Variants in FBXO28 observed in about 807,000 individuals in gnomAD.
FBXO28 encodes the protein F-box protein 28, also known as F-box only protein 28.
A neutral mutation model predicts 38.1 loss-of-function variants in FBXO28; 8 were observed. The ratio of observed to expected loss-of-function variants is 0.21; its 90% CI spans 0.12 to 0.38. FBXO28 has a LOEUF of 0.38. FBXO28 is among the 10% of genes least tolerant of loss of function. FBXO28 has a pLI of 1.00. For missense variants in FBXO28, 345 were observed against 460.6 expected (o/e 0.75, Z 2.30); for synonymous variants, 168 against 173.8 (o/e 0.97, Z 0.26).
intron 1 of FBXO28, among the ~76,000 whole-genome samples, chr1:224,127,005 A>G (rs1046398866): frequency 4.0e-5 from 6 of 151,878 alleles, no homozygotes; most frequent in Admixed American, 1.3e-4. Flanking sequence ...TCTTTCCTTC[A>G]ATAACATAAA....
At chr1:224,122,613 C>A (rs185276585) in intron 1 of FBXO28, among the ~76,000 whole-genome samples, 22 of 152,094 alleles carry the variant, frequency 1.4e-4, no homozygotes, top group Admixed American at 1.1e-3. Flanking sequence ...TACAGCCCCC[C>A]CCAAGCCCCG....
intron 4 of FBXO28, among the ~76,000 whole-genome samples, chr1:224,155,246 A>G (rs1046061776): frequency 1.3e-5 from 2 of 151,868 alleles, no homozygotes; most frequent in Non-Finnish European, 2.9e-5. Flanking sequence ...GCTCACTGCA[A>G]CGTCCGCCTC....
At chr1:224,156,087 G>C (rs928996706) in intron 4 of FBXO28, among the ~76,000 whole-genome samples, 2 of 152,162 alleles carry the variant, frequency 1.3e-5, no homozygotes, top group Non-Finnish European at 2.9e-5. Context: ...AAAGAAGAAT[G>C]CATCCATAAA....
chr1:224,148,707 T>C (rs936111480), intron 3 of FBXO28, among the ~76,000 whole-genome samples: 1 of 152,028 alleles, frequency 6.6e-6, no homozygotes, highest in African/African-American at 2.4e-5. Flanking sequence ...GAATAAATGC[T>C]TGGTACATGA....
chr1:224,136,100 A>ATTTTTTTT (rs1558191323), intron 3 of FBXO28, among the ~76,000 whole-genome samples: 12 of 8,636 alleles, frequency 1.4e-3, no homozygotes, highest in African/African-American at 2.8e-3. Flanking sequence ...TGTTGACTTC[A>ATTTTTTTT]GTTTTTTTTT....
In FBXO28 at chr1:224,161,788, C is replaced by T. The variant is rs1358693236; in HGVS notation, c.*4042C>T. ...CTGTTGTGTCTGAAGAGAACCATGACATTTAGAAGTATATTGGTAATCTAT... is the reference window on the plus strand; with the variant it reads ...CTGTTGTGTCTGAAGAGAACCATGATATTTAGAAGTATATTGGTAATCTAT... On this transcript the variant is annotated 3_prime_UTR_variant, in exon 5 of 5. Transcript: ENST00000366862. 1 of 152,132 alleles carries T rather than the reference C, an allele frequency of 6.6e-6. No homozygotes were observed. Among genetic ancestry groups the T allele is most frequent in the Non-Finnish European group, 1.5e-5 (1 of 68,032 alleles). The allele number at this position is 152,132 out of a possible 1,614,324, so 9.4% of individuals were successfully genotyped here.
chr1:224,128,245 A>ATTATTT (rs1553288948), intron 1 of FBXO28, among the ~76,000 whole-genome samples: 1 of 147,904 alleles, frequency 6.8e-6, no homozygotes, highest in South Asian at 2.1e-4. Context: ...TATTATTATT[A>ATTATTT]TTTTTTTTTA....
At chr1:224,123,354 T>C (rs1404004702) in intron 1 of FBXO28, among the ~76,000 whole-genome samples, 2 of 148,416 alleles carry the variant, frequency 1.3e-5, no homozygotes, top group Admixed American at 6.9e-5. Context: ...GGTGGGAGGA[T>C]TGCCTGAGCC....
At chr1:224,128,717 T>C (rs1656963106) in intron 1 of FBXO28, among the ~76,000 whole-genome samples, 1 of 152,174 alleles carries the variant, frequency 6.6e-6, no homozygotes, top group East Asian at 1.9e-4. Flanking sequence ...CTGGGCATGG[T>C]GGCTCATGCC....
chr1:224,134,408 A>T (rs977187294), intron 3 of FBXO28, 196 bp downstream of exon 3: 1 of 478,410 alleles, frequency 2.1e-6, no homozygotes, highest in Non-Finnish European at 3.6e-6. Flanking sequence ...CTAATTATGA[A>T]ATAGTCGAAA....
At chr1:224,118,664 G>A (rs1422408844) in intron 1 of FBXO28, among the ~76,000 whole-genome samples, 1 of 151,812 alleles carries the variant, frequency 6.6e-6, no homozygotes, top group Non-Finnish European at 1.5e-5. Flanking sequence ...GTTATAGAGT[G>A]GGTTGGTTGG....
At chr1:224,157,207 T>C in intron 4 of FBXO28, 145 bp from the exon 5 acceptor site, 1 of 961,842 alleles carries the variant, frequency 1.0e-6, no homozygotes, top group Non-Finnish European at 1.5e-6. Context: ...ATTATGATGA[T>C]TAACCCAACT....
At chr1:224,148,236 C>T (rs1657556474) in intron 3 of FBXO28, among the ~76,000 whole-genome samples, 1 of 152,054 alleles carries the variant, frequency 6.6e-6, no homozygotes, top group African/African-American at 2.4e-5. Flanking sequence ...ATGGCAAAAC[C>T]ACAGTTACTT....
At chr1:224,152,925 CAAAAAAAAAAAA>C (rs57616453) in intron 3 of FBXO28, among the ~76,000 whole-genome samples, 1 of 64,890 alleles carries the variant, frequency 1.5e-5, no homozygotes, top group Non-Finnish European at 2.8e-5. Context: ...AACTCTGTCT[CAAAAAAAAAAAA>C]AAAAAAAAAA....
intron 1 of FBXO28, among the ~76,000 whole-genome samples, chr1:224,128,400 TAAG>T (rs1430405598): frequency 1.3e-5 from 2 of 152,114 alleles, no homozygotes; most frequent in African/African-American, 2.4e-5. Flanking sequence ...CTAATTAAGA[TAAG>T]AAAGATGCTA....
At chr1:224,129,531 A>G (rs1656708871) in intron 1 of FBXO28, among the ~76,000 whole-genome samples, 1 of 152,176 alleles carries the variant, frequency 6.6e-6, no homozygotes, top group African/African-American at 2.4e-5. Flanking sequence ...TTTTTGTTTC[A>G]AACTATTAAA....
intron 3 of FBXO28, 29 bp from the exon 4 acceptor site, chr1:224,153,113 A>G (rs757508887): frequency 2.6e-6 from 4 of 1,549,750 alleles, no homozygotes; most frequent in East Asian, 4.5e-5. Context: ...AGAAAAATCT[A>G]AAGTGCTAAT....
chr1:224,158,276 T>C lies in FBXO28; in HGVS notation c.*530T>C. 3.2e-6 allele frequency: 3 copies of C among 939,714 alleles called. No individual in the cohort carries two copies. Among genetic ancestry groups the C allele is most frequent in the Non-Finnish European group, 3.8e-6 (3 of 787,964 alleles). 58.2% of individuals were successfully genotyped at this position (939,714 alleles called of 1,614,324 possible). ...GAAGTAATGGGTAACTAAAATGGAC[T>C]TCCATAGTATTGACTGTAGAAGGAG... On this transcript the variant is annotated 3_prime_UTR_variant, in exon 5 of 5. Coordinates refer to ENST00000366862, the MANE Select transcript of FBXO28 (RefSeq NM_015176.4).
chr1:224,144,554 T>G (rs901539627), intron 3 of FBXO28, among the ~76,000 whole-genome samples: 2 of 150,818 alleles, frequency 1.3e-5, no homozygotes, highest in Non-Finnish European at 3.0e-5. Flanking sequence ...GGTCAAGAGA[T>G]CGGGACCATC....
Sources: allele counts gnomAD v4.1 joint callset (sites outside exome capture counted in the v4.1 genomes callset), GRCh38; gene constraint gnomAD v4.1.1; transcripts MANE v1.5; gene names NCBI Gene and HGNC (gene_info 2026-07-23, HGNC 2026-07-21).